Variants in GABRA2 observed in about 807,000 individuals in gnomAD.
GABRA2 encodes the protein gamma-aminobutyric acid receptor subunit alpha-2.
A neutral mutation model predicts 48.7 loss-of-function variants in GABRA2; 16 were observed. The observed-to-expected ratio is 0.33, with a 90% CI of 0.22 to 0.50. GABRA2 has a LOEUF of 0.50. GABRA2 is among the 20% of genes least tolerant of loss of function. The pLI is 0.98. For synonymous variants in GABRA2, 185 were observed against 184.5 expected (o/e 1.00, Z -0.02); for missense variants, 275 against 535.6 (o/e 0.51, Z 4.80).
chr4:46,380,429 G>A (rs1716604055), intron 3 of GABRA2, among the ~76,000 whole-genome samples: 2 of 152,132 alleles, frequency 1.3e-5, no homozygotes, highest in South Asian at 4.1e-4. Flanking sequence ...TAAATTAAAT[G>A]CGACATGGGT....
intron 9 of GABRA2, chr4:46,261,339 A>G (rs1451543780): frequency 6.5e-6 from 1 of 153,230 alleles, no homozygotes; most frequent in African/African-American, 2.4e-5. Flanking sequence ...AACATGGGAA[A>G]GATTTTAAAA....
intron 6 of GABRA2, among the ~76,000 whole-genome samples, chr4:46,309,208 T>C (rs991703956): frequency 6.6e-6 from 1 of 152,192 alleles, no homozygotes; most frequent in African/African-American, 2.4e-5. Flanking sequence ...CACAAAAGTA[T>C]GATCATCAAA....
intron 8 of GABRA2, among the ~76,000 whole-genome samples, chr4:46,264,999 A>ATATATATATATATATATATG (rs1337931857): frequency 3.5e-5 from 5 of 141,548 alleles, no homozygotes; most frequent in Non-Finnish European, 7.6e-5. Flanking sequence ...ATATATATAT[A>ATATATATATATATATATATG]TATGTATAAA....
intron 8 of GABRA2, among the ~76,000 whole-genome samples, chr4:46,282,685 G>A (rs1445297629): frequency 6.6e-6 from 1 of 152,136 alleles, no homozygotes; most frequent in Non-Finnish European, 1.5e-5. Flanking sequence ...TTTGCAAAAT[G>A]ATTATTGTTA....
chr4:46,340,322 C>T (rs1256266166), intron 3 of GABRA2, among the ~76,000 whole-genome samples: 1 of 151,942 alleles, frequency 6.6e-6, no homozygotes, highest in Non-Finnish European at 1.5e-5. Context: ...ACTCTCTAAA[C>T]TTGAAACATT....
rs1332385273 is a variant in GABRA2, at chr4:46,245,439, A to T, written c.*4869T>A. Among the ~76,000 whole-genome samples the T allele has an allele frequency of 6.6e-6, 1 of 151,308 alleles. No individual in the cohort carries two copies. The highest frequency in any genetic ancestry group is 1.5e-5 in the Non-Finnish European group (1 of 67,494). On this transcript the variant is annotated 3_prime_UTR_variant, in exon 10 of 10. Transcript: ENST00000381620. Reference sequence around the variant, plus strand: ...ATTTTGAATTTAATCTTTTTTTAAAAAAAAACTAGAAATACATTCGAAAAA... The same window carrying T: ...ATTTTGAATTTAATCTTTTTTTAAATAAAAACTAGAAATACATTCGAAAAA...
intron 4 of GABRA2, among the ~76,000 whole-genome samples, chr4:46,326,436 GCA>G (rs1730388892): frequency 6.6e-6 from 1 of 151,018 alleles, no homozygotes; most frequent in Non-Finnish European, 1.5e-5. Flanking sequence ...GAGGGCTGTA[GCA>G]CAGATATCTG....
chr4:46,283,159 C>T (rs1185863596), intron 8 of GABRA2, among the ~76,000 whole-genome samples: 2 of 152,094 alleles, frequency 1.3e-5, no homozygotes, highest in Admixed American at 1.3e-4. Context: ...TTAAGAATAA[C>T]GATTTCTCAG....
At chr4:46,361,202 T>G (rs1256637100) in intron 3 of GABRA2, among the ~76,000 whole-genome samples, 1 of 152,128 alleles carries the variant, frequency 6.6e-6, no homozygotes, top group African/African-American at 2.4e-5. Flanking sequence ...CCTGGGCATG[T>G]AAGAGACCTC....
At chr4:46,251,976 T>C (rs916789672) in intron 9 of GABRA2, among the ~76,000 whole-genome samples, 9 of 151,538 alleles carry the variant, frequency 5.9e-5, no homozygotes, top group Non-Finnish European at 1.3e-4. Flanking sequence ...ACAAAGTAAA[T>C]TGAGACAGCA....
chr4:46,269,918 G>C (rs948684907), intron 8 of GABRA2, among the ~76,000 whole-genome samples: 22 of 151,790 alleles, frequency 1.4e-4, no homozygotes, highest in African/African-American at 5.3e-4. Context: ...TTTAAAGCAG[G>C]GATACTTGAT....
chr4:46,361,345 G>A (rs180673928), intron 3 of GABRA2, among the ~76,000 whole-genome samples: 5 of 152,294 alleles, frequency 3.3e-5, no homozygotes, highest in African/African-American at 1.2e-4. Flanking sequence ...GACTAAAAGA[G>A]GACAAGTTAC....
chr4:46,303,963 A>G (rs891781004), intron 7 of GABRA2, among the ~76,000 whole-genome samples: 2 of 152,218 alleles, frequency 1.3e-5, no homozygotes, highest in African/African-American at 4.8e-5. Flanking sequence ...TATAAAATCT[A>G]ACATGCTCTA....
intron 4 of GABRA2, among the ~76,000 whole-genome samples, chr4:46,319,906 C>T (rs1027371255): frequency 9.2e-5 from 14 of 151,644 alleles, no homozygotes; most frequent in African/African-American, 3.1e-4. Flanking sequence ...ATAACATCCT[C>T]ATTGCATATG....
chr4:46,345,335 T>C (rs1366479939), intron 3 of GABRA2, among the ~76,000 whole-genome samples: 1 of 151,874 alleles, frequency 6.6e-6, no homozygotes, highest in African/African-American at 2.4e-5. Flanking sequence ...ATTTAGTATC[T>C]AGTGTCAGCT....
intron 4 of GABRA2, among the ~76,000 whole-genome samples, chr4:46,317,076 T>C (rs997751860): frequency 6.6e-6 from 1 of 151,934 alleles, no homozygotes; most frequent in African/African-American, 2.4e-5. Flanking sequence ...GGTAAAGAAC[T>C]TGAGCCAGTA....
chr4:46,372,291 C>A (rs1186244358), intron 3 of GABRA2, among the ~76,000 whole-genome samples: 1 of 152,106 alleles, frequency 6.6e-6, no homozygotes, highest in Non-Finnish European at 1.5e-5. Context: ...TTCCTAGCTG[C>A]AGAGAACTAT....
chr4:46,324,994 G>A (rs1435473359), intron 4 of GABRA2, among the ~76,000 whole-genome samples: 2 of 151,868 alleles, frequency 1.3e-5, no homozygotes, highest in African/African-American at 4.8e-5. Context: ...TTGATTCCAT[G>A]TCTTTTCTAT....
intron 8 of GABRA2, among the ~76,000 whole-genome samples, chr4:46,289,814 C>T (rs926663641): frequency 6.6e-6 from 1 of 152,026 alleles, no homozygotes; most frequent in Non-Finnish European, 1.5e-5. Flanking sequence ...CAGCACCAGG[C>T]TGCTTTGATT....
Sources: allele counts gnomAD v4.1 joint callset (sites outside exome capture counted in the v4.1 genomes callset), GRCh38; gene constraint gnomAD v4.1.1; transcripts MANE v1.5; gene names NCBI Gene and HGNC (gene_info 2026-07-23, HGNC 2026-07-21).